Variants in GNG4 observed in about 807,000 individuals in gnomAD.
GNG4 encodes the protein G protein subunit gamma 4.
A neutral mutation model predicts 5.8 loss-of-function variants in GNG4; 4 were observed. The observed-to-expected ratio is 0.69, with a 90% CI of 0.34 to 1.57. GNG4 has a LOEUF of 1.57. Ranked by LOEUF, GNG4 falls within the 40% of genes most tolerant of loss-of-function variation. GNG4 has a pLI of 0.06. For missense variants in GNG4, 96 were observed against 95.1 expected (o/e 1.01, Z -0.04); for synonymous variants, 29 against 32.9 (o/e 0.88, Z 0.41).
intron 3 of GNG4, among the ~76,000 whole-genome samples, chr1:235,579,871 A>C (rs1320165658): frequency 6.6e-6 from 1 of 151,700 alleles, no homozygotes; most frequent in Admixed American, 6.6e-5. Flanking sequence ...AAAGGTAAAA[A>C]GGTTGAACAT....
At chr1:235,641,411 C>T (rs1015515200) in intron 1 of GNG4, among the ~76,000 whole-genome samples, 3 of 151,708 alleles carry the variant, frequency 2.0e-5, no homozygotes, top group African/African-American at 4.9e-5. Context: ...AAATAATCGG[C>T]GGGGCACAGT....
At position 235,603,261 on chromosome 1, in the gene GNG4, TTAATAA is replaced by T. The variant is rs150938328; in HGVS notation, c.-122-7756_-122-7751del. On this transcript the variant is annotated intron_variant, in intron 1 of 3. Transcript: ENST00000391854. ...TCTATCTCAATAATGATAATAATAA[TTAATAA>T]TAATAATAATAATAATAATAATAAA... Among the ~76,000 whole-genome samples the T allele has an allele frequency of 1.6e-3, 232 of 147,630 alleles. 1 individual carries two copies. The highest frequency in any genetic ancestry group is 3.7e-3 in the African/African-American group (148 of 40,412).
chr1:235,594,654 G>A (rs1170546167), intron 2 of GNG4, among the ~76,000 whole-genome samples: 1 of 152,202 alleles, frequency 6.6e-6, no homozygotes, highest in African/African-American at 2.4e-5. Flanking sequence ...CACTGCCCGG[G>A]GCTTGCGGGC....
At chr1:235,594,319 G>T (rs575868157) in intron 2 of GNG4, among the ~76,000 whole-genome samples, 73 of 152,262 alleles carry the variant, frequency 4.8e-4, no homozygotes, top group African/African-American at 1.6e-3. Flanking sequence ...CCCTTAGCTA[G>T]ACATAAAGTT....
rs368178273 is a variant in GNG4 at position 235,550,596 on chromosome 1, G to C, written c.*1513C>G. ...GTGGGCAGATCACTCGAGGCCAGTAGTTGGAGACCAGCCTGGCCGACATGG... is the reference window on the plus strand; with the variant it reads ...GTGGGCAGATCACTCGAGGCCAGTACTTGGAGACCAGCCTGGCCGACATGG... On this transcript the variant is annotated 3_prime_UTR_variant, in exon 4 of 4. Transcript: ENST00000391854. 1 of 152,242 alleles carries C rather than the reference G, an allele frequency of 6.6e-6. No homozygotes were observed. Among genetic ancestry groups the C allele is most frequent in the African/African-American group, 2.4e-5 (1 of 41,440 alleles). 9.4% of individuals were successfully genotyped at this position (152,242 alleles called of 1,614,324 possible). A position where few individuals can be genotyped will look rare whatever the true frequency, so the allele number is the denominator to read the frequency against.
At chr1:235,582,744 A>G (rs746211226) in intron 3 of GNG4, among the ~76,000 whole-genome samples, 8 of 152,208 alleles carry the variant, frequency 5.3e-5, no homozygotes, top group Non-Finnish European at 1.2e-4. Context: ...ATGCTCTAGT[A>G]ACATGGGTCC....
chr1:235,562,730 C>T (rs982642239), intron 3 of GNG4, among the ~76,000 whole-genome samples: 2 of 147,598 alleles, frequency 1.4e-5, no homozygotes, highest in African/African-American at 5.0e-5. Flanking sequence ...ATTGAATCTA[C>T]AGATCAAGTT....
In GNG4 at chr1:235,619,579, T is replaced by C. The variant is rs184459984; in HGVS notation, c.-122-24068A>G. ...GGCTGAAGAGGGAGGAAAACTTCAG[T>C]GATTGAGATTCTAGATGAAATATCA... On this transcript the variant is annotated intron_variant, in intron 1 of 3. Coordinates refer to ENST00000391854, the MANE Select transcript of GNG4 (RefSeq NM_001098722.2). Among the ~76,000 whole-genome samples the C allele has an allele frequency of 4.6e-5, 7 of 152,314 alleles. No individual in the cohort carries two copies. The East Asian group carries it at 1.2e-3, about 25-fold the overall frequency.
chr1:235,616,006 CCTCTTT>C, intron 1 of GNG4: 1 of 331,002 alleles, frequency 3.0e-6, no homozygotes, highest in Non-Finnish European at 5.8e-6. Context: ...GCCACTGGCG[CCTCTTT>C]CACCGTCTGT....
At chr1:235,620,729 G>T (rs911279687) in intron 1 of GNG4, among the ~76,000 whole-genome samples, 11 of 152,232 alleles carry the variant, frequency 7.2e-5, no homozygotes, top group African/African-American at 2.4e-4. Context: ...TAGAGACAGG[G>T]TTTCACCGTG....
upstream of GNG4, chr1:235,649,785 C>T (rs1161065448): frequency 1.3e-5 from 2 of 150,218 alleles, no homozygotes; most frequent in Non-Finnish European, 3.0e-5. The surrounding 1 kb of genome is among the most constrained non-coding windows in gnomAD (Gnocchi z 5.7). Context: ...CGCCTCGTGC[C>T]CCTCCCGCCG....
chr1:235,646,222 T>C (rs1044972922), intron 1 of GNG4, among the ~76,000 whole-genome samples: 6 of 152,232 alleles, frequency 3.9e-5, no homozygotes, highest in Non-Finnish European at 7.3e-5. Context: ...CAAATCCTCC[T>C]GGGAAAGGAG....
intron 1 of GNG4, among the ~76,000 whole-genome samples, chr1:235,629,600 C>CTTT (rs569494929): frequency 1.4e-5 from 2 of 139,094 alleles, no homozygotes; most frequent in South Asian, 2.3e-4. Context: ...TTCTTTCTTT[C>CTTT]TTTTTTTTTT....
At chr1:235,640,560 T>C (rs1657295083) in intron 1 of GNG4, among the ~76,000 whole-genome samples, 1 of 152,240 alleles carries the variant, frequency 6.6e-6, no homozygotes, top group Non-Finnish European at 1.5e-5. Context: ...GATACACACA[T>C]CATTCAACAG....
intron 1 of GNG4, among the ~76,000 whole-genome samples, chr1:235,609,405 G>C (rs1298612053): frequency 6.6e-6 from 1 of 152,052 alleles, no homozygotes; most frequent in Non-Finnish European, 1.5e-5. Context: ...GCCAACATAT[G>C]TTATTTTCCA....
At chr1:235,612,193 G>A (rs1688493096) in intron 1 of GNG4, among the ~76,000 whole-genome samples, 1 of 151,944 alleles carries the variant, frequency 6.6e-6, no homozygotes, top group Non-Finnish European at 1.5e-5. Context: ...GGACAACGTC[G>A]AAGATTGACT....
intron 3 of GNG4, among the ~76,000 whole-genome samples, chr1:235,556,962 A>T (rs1184863432): frequency 6.6e-6 from 1 of 151,908 alleles, no homozygotes; most frequent in Non-Finnish European, 1.5e-5. Context: ...CTCCTGTAAG[A>T]ATCTAATGCC....
intron 1 of GNG4, among the ~76,000 whole-genome samples, chr1:235,645,797 CAAAAAAAAAAAAAAAAA>C (rs6143682): frequency 1.1e-5 from 1 of 90,384 alleles, no homozygotes; most frequent in African/African-American, 4.1e-5. Flanking sequence ...AACTCAGTCT[CAAAAAAAAAAAAAAAAA>C]AAAAAAAAGA....
intron 3 of GNG4, among the ~76,000 whole-genome samples, chr1:235,561,721 T>C (rs1350654055): frequency 6.6e-6 from 1 of 152,216 alleles, no homozygotes; most frequent in East Asian, 1.9e-4. Flanking sequence ...TACAAGTCTT[T>C]TATCAGGCAT....
Sources: allele counts gnomAD v4.1 joint callset (sites outside exome capture counted in the v4.1 genomes callset), GRCh38; gene constraint gnomAD v4.1.1; non-coding constraint Gnocchi (gnomAD v3.1); transcripts MANE v1.5; gene names NCBI Gene and HGNC (gene_info 2026-07-23, HGNC 2026-07-21).